NFIB: variants seen among roughly 807,000 people sequenced by gnomAD.
NFIB encodes nuclear factor I B.
NFIB carries 11 observed loss-of-function variants against 61.5 expected under a neutral mutation model. The ratio of observed to expected loss-of-function variants is 0.18; its 90% CI spans 0.11 to 0.30. NFIB has a LOEUF of 0.30. Among genes scored for constraint, NFIB ranks in the 10% least tolerant of loss-of-function variants. The pLI is 1.00. For synonymous variants in NFIB, 260 were observed against 216.5 expected, an observed-to-expected ratio of 1.20 and a Z score of -1.76; for missense variants, 471 against 608.9, an observed-to-expected ratio of 0.77 and a Z score of 2.38.
intron 2 of NFIB, among the ~76,000 whole-genome samples, chr9:14,281,247 G>C (rs1024649124): frequency 6.6e-6 from 1 of 152,162 alleles, no homozygotes; most frequent in Non-Finnish European, 1.5e-5. Flanking sequence ...AGTCTTATGG[G>C]TTCCATAGAG....
At chr9:14,503,114 ATG>A in the NFIB span, among the ~76,000 whole-genome samples, 1 of 145,580 alleles carries the variant, frequency 6.9e-6, no homozygotes, top group Admixed American at 6.9e-5. Flanking sequence ...ATATGTGTGT[ATG>A]TGTGTGTATG....
chr9:14,169,229 T>A (rs945345356), intron 3 of NFIB, among the ~76,000 whole-genome samples: 2 of 152,134 alleles, frequency 1.3e-5, no homozygotes, highest in Non-Finnish European at 2.9e-5. Context: ...GAAGTGATGA[T>A]TTTAATAAGA....
chr9:14,185,548 A>G (rs905099675), intron 2 of NFIB, among the ~76,000 whole-genome samples: 2 of 152,020 alleles, frequency 1.3e-5, no homozygotes, highest in African/African-American at 4.8e-5. Flanking sequence ...TCCCCTTTAC[A>G]TCCTCAACAA....
rs1349228531 is a variant in NFIB, at chr9:14,084,018, A to AC, written c.*4290dup. 2 of 215,532 alleles carry AC rather than the reference A, an allele frequency of 9.3e-6. No individual in the cohort carries two copies. The highest frequency in any genetic ancestry group is 2.3e-5 in the African/African-American group (1 of 44,320). 13.4% of individuals were successfully genotyped at this position (215,532 alleles called of 1,614,324 possible). ...TGCTCTGGAAACCAACTTTTCCAAT[A>AC]CTAAATACAACAAAATAACCTTCAT... On this transcript the variant is annotated 3_prime_UTR_variant, in exon 11 of 11. Transcript: ENST00000380953.
chr9:14,412,294 C>T, the NFIB span, among the ~76,000 whole-genome samples: 1 of 152,152 alleles, frequency 6.6e-6, no homozygotes, highest in East Asian at 1.9e-4. Context: ...TCCCATTGAA[C>T]AATTTACGCT....
At chr9:14,359,124 C>T (rs1232502911) in intron 1 of NFIB, among the ~76,000 whole-genome samples, 1 of 152,174 alleles carries the variant, frequency 6.6e-6, no homozygotes, top group Non-Finnish European at 1.5e-5. Context: ...GCTACAAGAT[C>T]AGGGTATACC....
chr9:14,453,886 C>A, the NFIB span, among the ~76,000 whole-genome samples: 1 of 151,588 alleles, frequency 6.6e-6, no homozygotes, highest in African/African-American at 2.4e-5. Flanking sequence ...ATCGAGACCA[C>A]CCTGGCCAAC....
chr9:14,261,153 C>A (rs892763262), intron 2 of NFIB, among the ~76,000 whole-genome samples: 1 of 152,102 alleles, frequency 6.6e-6, no homozygotes, highest in Non-Finnish European at 1.5e-5. Flanking sequence ...CCCGTCTCTA[C>A]TAAAAATCCA....
At chr9:14,498,764 GCCCTCCCTCCCTCCCT>G in the NFIB span, among the ~76,000 whole-genome samples, 93 of 78,282 alleles carry the variant, frequency 1.2e-3, 1 homozygote, top group Middle Eastern at 0.014. Flanking sequence ...AACACTCATG[GCCCTCCCTCCCTCCCT>G]CCCTCCCTCC....
At chr9:14,276,408 A>G (rs2058004336) in intron 2 of NFIB, among the ~76,000 whole-genome samples, 1 of 152,216 alleles carries the variant, frequency 6.6e-6, no homozygotes. Context: ...GCTAACTGGA[A>G]GACATTAACA....
intron 2 of NFIB, among the ~76,000 whole-genome samples, chr9:14,279,664 T>G (rs768671323): frequency 6.6e-6 from 1 of 152,190 alleles, no homozygotes; most frequent in African/African-American, 2.4e-5. Flanking sequence ...GGCCACAACA[T>G]GTACTGCTGC....
chr9:14,369,656 G>C (rs930585956), intron 1 of NFIB, among the ~76,000 whole-genome samples: 1 of 152,136 alleles, frequency 6.6e-6, no homozygotes, highest in African/African-American at 2.4e-5. Flanking sequence ...ACTCAAGTTA[G>C]AGATTTTGGA....
the NFIB span, among the ~76,000 whole-genome samples, chr9:14,474,631 C>T: frequency 6.6e-6 from 1 of 152,154 alleles, no homozygotes; most frequent in Non-Finnish European, 1.5e-5. Flanking sequence ...AGATATGATT[C>T]ATTCTGAGGC....
At chr9:14,147,643 T>TG (rs2042411409) in intron 5 of NFIB, among the ~76,000 whole-genome samples, 1 of 144,260 alleles carries the variant, frequency 6.9e-6, no homozygotes, top group Admixed American at 6.9e-5. Context: ...ATACTTTTTT[T>TG]TTTTTTTTTT....
At chr9:14,510,919 C>T in the NFIB span, among the ~76,000 whole-genome samples, 16 of 152,202 alleles carry the variant, frequency 1.1e-4, no homozygotes, top group African/African-American at 3.6e-4. Flanking sequence ...ATCATAAGAT[C>T]CCCCCTACCT....
chr9:14,356,149 T>G (rs1190412492), intron 1 of NFIB, among the ~76,000 whole-genome samples: 2 of 152,094 alleles, frequency 1.3e-5, no homozygotes, highest in African/African-American at 2.4e-5. Flanking sequence ...TGCCTGAGGC[T>G]GGGGCAGCGT....
rs190930858 is a variant in NFIB, at chr9:14,291,783, T to C, written c.562+15206A>G. ...TCATAACTAGCTCTGACCTTTTCTTTAAAAATCTGACTTTCAGTTAAAAAA... is the reference window on the plus strand; with the variant it reads ...TCATAACTAGCTCTGACCTTTTCTTCAAAAATCTGACTTTCAGTTAAAAAA... On this transcript the variant is annotated intron_variant, in intron 2 of 10. Coordinates refer to ENST00000380953, the MANE Select transcript of NFIB (RefSeq NM_001190737.2). 2.0e-5 allele frequency among the ~76,000 whole-genome samples: 3 copies of C among 150,798 alleles called. No individual in the cohort carries two copies. In the East Asian group the frequency reaches 5.9e-4, roughly 30 times the overall value.
intron 2 of NFIB, among the ~76,000 whole-genome samples, chr9:14,183,819 C>T (rs1325156651): frequency 6.6e-6 from 1 of 152,116 alleles, no homozygotes; most frequent in Non-Finnish European, 1.5e-5. Context: ...CTTCCTCGAT[C>T]TCAATCTCTA....
intron 2 of NFIB, among the ~76,000 whole-genome samples, chr9:14,218,843 C>T (rs2051268720): frequency 6.6e-6 from 1 of 152,148 alleles, no homozygotes; most frequent in Admixed American, 6.5e-5. Flanking sequence ...TTGATGTACC[C>T]TCCTTTTAAC....
Sources: gnomAD v4.1 joint callset for allele counts (sites outside exome capture counted in the v4.1 genomes callset) on GRCh38, gnomAD v4.1.1 for gene constraint, MANE v1.5 for transcripts, NCBI Gene and HGNC (gene_info 2026-07-23, HGNC 2026-07-21) for gene names.